The following AGTPBP1 variants were observed in gnomAD, a reference collection of about 807,000 sequenced individuals.
The protein encoded by AGTPBP1 is ATP/GTP binding carboxypeptidase 1.
Under a neutral mutation model 143.9 loss-of-function variants are expected in AGTPBP1, and 70 were observed. The ratio of observed to expected loss-of-function variants is 0.49; its 90% CI spans 0.40 to 0.59. The LOEUF (loss-of-function observed/expected upper bound fraction) is 0.59. Ranked by LOEUF, AGTPBP1 falls within the 20% of genes least tolerant of loss-of-function variation. The probability of loss-of-function intolerance (pLI) is 0.00; values close to 1 mark genes in which losing one functional copy is unlikely to be tolerated. For synonymous variants in AGTPBP1, 463 were observed against 500.2 expected (o/e 0.93, Z 0.99); for missense variants, 1,229 against 1,464.5 (o/e 0.84, Z 2.62).
rs1462337964 is a variant in AGTPBP1, at chr9:85,681,317, A to G, written c.176T>C (p.Met59Thr). Residue 59 changes from methionine (M) to threonine (T), a missense_variant, in exon 4 of 26, where the codon ATG becomes ACG. Physicochemically the swap from Met to Thr is moderately conservative, Grantham distance 81 (BLOSUM62 -1). This residue lies in a region of AGTPBP1 where 743 missense variants were observed against 812.2 expected (regional missense o/e 0.91). Coordinates refer to ENST00000357081, the MANE Select transcript of AGTPBP1 (RefSeq NM_001330701.2). ...CATTCCTGTAGAACCTTTGGCTGTC[A>G]TTTCTCTCCTTGTTTTTTCTGAAAA... ...AQSQEKTRREMTAKGSTGMEI... is the reference protein window; with the variant it reads ...AQSQEKTRRETTAKGSTGMEI... 6.2e-7 allele frequency: 1 copy of G among 1,611,650 alleles called. No individual in the cohort carries two copies. Among genetic ancestry groups the G allele is most frequent in the Admixed American group, 1.7e-5 (1 of 59,468 alleles).
At position 85,555,076 on chromosome 9, in the gene AGTPBP1, T is replaced by G. The variant is rs554054002; in HGVS notation, c.3504-7790A>C. On this transcript the variant is annotated intron_variant, in intron 25 of 25. Coordinates refer to ENST00000357081, the MANE Select transcript of AGTPBP1 (RefSeq NM_001330701.2). ...CTTAAATCTCCACATAAATTAAACC[T>G]GCTGAGGAAAAACGAATGTGGCAGA... Among the ~76,000 whole-genome samples, 4 of 152,238 alleles carry G rather than the reference T, an allele frequency of 2.6e-5. No individual in the cohort carries two copies. The East Asian group carries it at 7.7e-4, about 29-fold the overall frequency.
chr9:85,648,440 C>T (rs994632266), intron 11 of AGTPBP1, among the ~76,000 whole-genome samples: 5 of 152,052 alleles, frequency 3.3e-5, no homozygotes, highest in African/African-American at 4.8e-5. Context: ...TATGCCCTAA[C>T]GGCAGTTGGT....
At chr9:85,771,464 C>T in the AGTPBP1 span, among the ~76,000 whole-genome samples, 1 of 152,122 alleles carries the variant, frequency 6.6e-6, no homozygotes, top group Non-Finnish European at 1.5e-5. Context: ...AACAGAGCAA[C>T]AGCCTGTCTC....
chr9:85,654,944 C>T (rs2133930266), intron 11 of AGTPBP1, among the ~76,000 whole-genome samples, 199 bp downstream of exon 11: 1 of 152,294 alleles, frequency 6.6e-6, no homozygotes, highest in East Asian at 1.9e-4. Context: ...ATATACAACA[C>T]ATCCCACACC....
At chr9:85,561,766 G>A (rs1030165716) in intron 25 of AGTPBP1, among the ~76,000 whole-genome samples, 3 of 151,948 alleles carry the variant, frequency 2.0e-5, no homozygotes, top group African/African-American at 7.3e-5. Flanking sequence ...GATACGTTGA[G>A]GGGGGTTAAA....
intron 24 of AGTPBP1, 54 bp downstream of exon 24, chr9:85,578,866 T>C (rs999221385): frequency 2.1e-5 from 33 of 1,558,712 alleles, no homozygotes; most frequent in Non-Finnish European, 2.8e-5. Flanking sequence ...AAGATATATA[T>C]GAAAGGAAAG....
At chr9:85,569,647 G>A (rs946206665) in intron 25 of AGTPBP1, among the ~76,000 whole-genome samples, 6 of 152,092 alleles carry the variant, frequency 3.9e-5, no homozygotes, top group Admixed American at 1.3e-4. Flanking sequence ...AAGAAGCAGC[G>A]TGCTGAATAG....
chr9:85,588,285 T>C lies in AGTPBP1; in HGVS notation c.2903+13A>G. On this transcript the variant is annotated intron_variant, in intron 21 of 25. Coordinates refer to ENST00000357081, the MANE Select transcript of AGTPBP1 (RefSeq NM_001330701.2). ...TGGTCTTGAATATATTCTACAACTA[T>C]TGCTTAACTTACTTTCCATTGATGA... 1.3e-6 allele frequency: 2 copies of C among 1,584,940 alleles called. No homozygotes were observed.
At chr9:85,742,873 A>G (rs865774778), upstream of AGTPBP1, among the ~76,000 whole-genome samples, 2 of 152,232 alleles carry the variant, frequency 1.3e-5, no homozygotes, top group Non-Finnish European at 2.9e-5. Flanking sequence ...TCACAACTAG[A>G]TAAGGGAATG....
At chr9:85,660,859 A>T in intron 9 of AGTPBP1, 77 bp downstream of exon 9, 1 of 1,109,514 alleles carries the variant, frequency 9.0e-7, no homozygotes, top group Non-Finnish European at 1.3e-6. Flanking sequence ...CTAAATCTAC[A>T]TTTCCAGTTT....
At chr9:85,701,885 G>T (rs1836688447) in intron 2 of AGTPBP1, among the ~76,000 whole-genome samples, 1 of 152,190 alleles carries the variant, frequency 6.6e-6, no homozygotes, top group South Asian at 2.1e-4. Flanking sequence ...CCATAGTCAA[G>T]ATATTCTCAA....
At chr9:85,757,214 A>C in the AGTPBP1 span, among the ~76,000 whole-genome samples, 1 of 152,038 alleles carries the variant, frequency 6.6e-6, no homozygotes, top group Non-Finnish European at 1.5e-5. Context: ...CTACAGGCAC[A>C]CACCACCATG....
the AGTPBP1 span, among the ~76,000 whole-genome samples, chr9:85,766,028 A>G: frequency 6.6e-6 from 1 of 151,918 alleles, no homozygotes; most frequent in Non-Finnish European, 1.5e-5. Context: ...AGGGTTATAG[A>G]TTTGAAGACA....
the AGTPBP1 span, among the ~76,000 whole-genome samples, chr9:85,777,444 C>G: frequency 2.0e-5 from 3 of 152,294 alleles, no homozygotes; most frequent in African/African-American, 7.2e-5. Flanking sequence ...CAGCAGTGGC[C>G]GTAGCCAGGT....
At chr9:85,655,733 A>G (rs1033587103) in intron 10 of AGTPBP1, among the ~76,000 whole-genome samples, 10 of 152,094 alleles carry the variant, frequency 6.6e-5, no homozygotes, top group African/African-American at 2.4e-4. Flanking sequence ...CTTCCTCAGA[A>G]CTGTATCAGT....
At chr9:85,724,318 C>T (rs190405449) in intron 1 of AGTPBP1, among the ~76,000 whole-genome samples, 1 of 146,924 alleles carries the variant, frequency 6.8e-6, no homozygotes, top group Non-Finnish European at 1.5e-5. Context: ...AAGAAATAAA[C>T]ATCTGTTCTT....
intron 14 of AGTPBP1, among the ~76,000 whole-genome samples, chr9:85,628,262 T>A (rs905378650): frequency 6.6e-6 from 1 of 152,194 alleles, no homozygotes; most frequent in South Asian, 2.1e-4. Flanking sequence ...ATGCAATCGT[T>A]CTCAGGGCTA....
intron 2 of AGTPBP1, among the ~76,000 whole-genome samples, chr9:85,706,149 A>G (rs1040005867): frequency 3.9e-5 from 6 of 152,142 alleles, no homozygotes; most frequent in African/African-American, 1.4e-4. Context: ...AAATGGAAAC[A>G]GGAAGAAATA....
intron 17 of AGTPBP1, among the ~76,000 whole-genome samples, chr9:85,603,970 A>C (rs1829833921): frequency 2.0e-5 from 3 of 152,222 alleles, no homozygotes; most frequent in African/African-American, 7.2e-5. Flanking sequence ...GCTGCAGCAG[A>C]ATAGAACACC....
Sources: gnomAD v4.1 joint callset for allele counts (sites outside exome capture counted in the v4.1 genomes callset) on GRCh38, gnomAD v4.1.1 for gene constraint, gnomAD v4.1.1 regional missense constraint, MANE v1.5 for transcripts, NCBI Gene and HGNC (gene_info 2026-07-23, HGNC 2026-07-21) for gene names.